Variants in ALG14 observed in about 807,000 individuals in gnomAD.
The protein encoded by ALG14 is UDP-N-acetylglucosamine transferase subunit ALG14.
In ALG14, 17 loss-of-function variants were observed where a neutral mutation model predicts 22.8. The observed-to-expected ratio is 0.75, with a 90% CI of 0.51 to 1.12. The LOEUF (loss-of-function observed/expected upper bound fraction) is 1.12. ALG14 is among the 50% of genes most tolerant of loss of function. ALG14 has a pLI of 0.00. For missense variants in ALG14, 288 were observed against 271.8 expected (o/e 1.06, Z -0.42); for synonymous variants, 89 against 103.7 (o/e 0.86, Z 0.86).
intron 2 of ALG14, among the ~76,000 whole-genome samples, chr1:95,052,497 T>C (rs1674779945): frequency 6.6e-6 from 1 of 152,132 alleles, no homozygotes; most frequent in African/African-American, 2.4e-5. Flanking sequence ...AGGTTTGTTT[T>C]TCAGGAGGAG....
chr1:94,984,411 A>C (rs183486177), intron 3 of ALG14, among the ~76,000 whole-genome samples: 1 of 152,182 alleles, frequency 6.6e-6, no homozygotes, highest in Non-Finnish European at 1.5e-5. Flanking sequence ...TCTTGCCTCC[A>C]TGTGAACATG....
intron 3 of ALG14, among the ~76,000 whole-genome samples, chr1:94,987,219 AC>A (rs1172810048): frequency 6.6e-6 from 1 of 152,172 alleles, no homozygotes; most frequent in African/African-American, 2.4e-5. Flanking sequence ...AGGAAACCAG[AC>A]CTGTCCCTAG....
chr1:95,072,403 C>T (rs928260850), intron 1 of ALG14, among the ~76,000 whole-genome samples: 4 of 152,132 alleles, frequency 2.6e-5, no homozygotes, highest in Admixed American at 1.3e-4. Flanking sequence ...ATTCGTGTTT[C>T]CTAAACTAAA....
intron 3 of ALG14, among the ~76,000 whole-genome samples, chr1:94,995,020 T>A (rs899841411): frequency 3.9e-5 from 6 of 152,212 alleles, no homozygotes; most frequent in African/African-American, 1.4e-4. Flanking sequence ...CTGACTTCAA[T>A]CATGGCACTC....
chr1:95,041,062 A>G (rs1039632317), intron 2 of ALG14, among the ~76,000 whole-genome samples: 1 of 152,224 alleles, frequency 6.6e-6, no homozygotes, highest in Non-Finnish European at 1.5e-5. Flanking sequence ...GTATATATCT[A>G]CCTGATATAC....
At chr1:95,059,479 A>T (rs971506403) in intron 2 of ALG14, among the ~76,000 whole-genome samples, 1 of 151,140 alleles carries the variant, frequency 6.6e-6, no homozygotes, top group Non-Finnish European at 1.5e-5. Context: ...TATGAAATTT[A>T]AAAAGTTATT....
intron 2 of ALG14, among the ~76,000 whole-genome samples, chr1:95,033,695 T>C (rs1038290803): frequency 2.6e-5 from 4 of 152,092 alleles, no homozygotes; most frequent in Admixed American, 2.6e-4. Flanking sequence ...GCTGCCCCCA[T>C]GTTTCCTTCT....
chr1:95,062,541 C>T (rs1009261085), intron 2 of ALG14, among the ~76,000 whole-genome samples: 6 of 151,998 alleles, frequency 3.9e-5, no homozygotes, highest in African/African-American at 7.3e-5. Flanking sequence ...TAAGTGAAAA[C>T]GTGTAGTATT....
At chr1:95,013,889 T>C (rs1447757036) in intron 3 of ALG14, among the ~76,000 whole-genome samples, 1 of 151,628 alleles carries the variant, frequency 6.6e-6, no homozygotes, top group Non-Finnish European at 1.5e-5. Flanking sequence ...TCATGGGTTA[T>C]TTTTATTTTA....
chr1:94,982,556 A>G lies in ALG14; in HGVS notation c.*520T>C, dbSNP rs975335438. ...GTGGAGTGCAAATTGTCATGAAGCCAATTTAATATAACTGCTTCCTTTATG... is the reference window on the plus strand; with the variant it reads ...GTGGAGTGCAAATTGTCATGAAGCCGATTTAATATAACTGCTTCCTTTATG... On this transcript the variant is annotated 3_prime_UTR_variant, in exon 4 of 4. Transcript: ENST00000370205. The G allele has an allele frequency of 6.5e-6, 1 of 153,180 alleles. No homozygotes were observed. The highest frequency in any genetic ancestry group is 1.5e-5 in the Non-Finnish European group (1 of 68,854). The allele number at this position is 153,180 out of a possible 1,614,324, so 9.5% of individuals were successfully genotyped here.
At chr1:95,045,209 G>T (rs1486254257) in intron 2 of ALG14, among the ~76,000 whole-genome samples, 1 of 151,990 alleles carries the variant, frequency 6.6e-6, no homozygotes, top group Non-Finnish European at 1.5e-5. Flanking sequence ...TGTTGATTTT[G>T]TTTCTAGATA....
intron 2 of ALG14, among the ~76,000 whole-genome samples, chr1:95,043,691 C>T (rs184883483): frequency 8.4e-4 from 127 of 151,796 alleles, no homozygotes; most frequent in Admixed American, 3.8e-3. Context: ...ATTTCTGAAG[C>T]TTCAAGGACC....
intron 2 of ALG14, among the ~76,000 whole-genome samples, chr1:95,062,488 C>T (rs1156371814): frequency 2.6e-5 from 4 of 152,082 alleles, no homozygotes; most frequent in African/African-American, 9.7e-5. Context: ...TGTGTTGTTC[C>T]CCCATATGTA....
In ALG14 at chr1:95,061,072, G is replaced by A. The variant is rs561791602; in HGVS notation, c.288+3794C>T. Among the ~76,000 whole-genome samples the A allele has an allele frequency of 5.3e-5, 8 of 152,338 alleles. No homozygotes were observed. The South Asian group carries it at 1.2e-3, about 24-fold the overall frequency. On this transcript the variant is annotated intron_variant, in intron 2 of 3. Coordinates refer to ENST00000370205, the MANE Select transcript of ALG14 (RefSeq NM_144988.4). ...TGCAAGCTAAGGAAGGCCAAGCATT[G>A]CTGGCCACCACTAGAAGCCAGGAGG...
At chr1:94,986,839 T>C (rs893345720) in intron 3 of ALG14, among the ~76,000 whole-genome samples, 1 of 151,374 alleles carries the variant, frequency 6.6e-6, no homozygotes, top group African/African-American at 2.4e-5. Flanking sequence ...ACTGTATCCT[T>C]CGCTCTCAAT....
intron 3 of ALG14, 77 bp from the exon 4 acceptor site, chr1:94,983,383 T>C (rs1283895724): frequency 5.8e-6 from 7 of 1,209,812 alleles, no homozygotes; most frequent in Non-Finnish European, 5.9e-6. Flanking sequence ...AAGAACAGCC[T>C]GATTTCAGAG....
At chr1:94,987,759 C>T (rs1476863536) in intron 3 of ALG14, among the ~76,000 whole-genome samples, 2 of 152,138 alleles carry the variant, frequency 1.3e-5, no homozygotes, top group Non-Finnish European at 2.9e-5. Context: ...ACACCCCCGC[C>T]AAATATGGGC....
chr1:95,030,670 C>T (rs1209261574), intron 2 of ALG14, among the ~76,000 whole-genome samples: 3 of 152,178 alleles, frequency 2.0e-5, no homozygotes, highest in Admixed American at 1.3e-4. Flanking sequence ...TTGATTCTGG[C>T]TCCCCTGATT....
chr1:95,036,953 AAG>A (rs1408685038), intron 2 of ALG14, among the ~76,000 whole-genome samples: 1 of 152,178 alleles, frequency 6.6e-6, no homozygotes, highest in Non-Finnish European at 1.5e-5. Flanking sequence ...TGGCTTGTCA[AAG>A]AGAAATGAGG....
Sources: allele counts gnomAD v4.1 joint callset (sites outside exome capture counted in the v4.1 genomes callset), GRCh38; gene constraint gnomAD v4.1.1; transcripts MANE v1.5; gene names NCBI Gene and HGNC (gene_info 2026-07-23, HGNC 2026-07-21).